The following NCAM2 variants were observed in gnomAD, a reference collection of about 807,000 sequenced individuals.
NCAM2 encodes the protein neural cell adhesion molecule 2, also known as N-CAM-2.
NCAM2 carries 30 observed loss-of-function variants against 98.1 expected under a neutral mutation model. That is an observed-to-expected ratio of 0.31 (90% CI 0.23 to 0.41). The LOEUF is 0.41. Among genes scored for constraint, NCAM2 ranks in the 10% least tolerant of loss-of-function variants. The pLI is 1.00. For missense variants in NCAM2, 867 were observed against 1,005.8 expected (o/e 0.86, Z 1.87); for synonymous variants, 368 against 342.4 (o/e 1.07, Z -0.83).
At chr21:21,199,012 T>C (rs1436734757) in intron 1 of NCAM2, among the ~76,000 whole-genome samples, 2 of 152,226 alleles carry the variant, frequency 1.3e-5, no homozygotes, top group Non-Finnish European at 2.9e-5. Flanking sequence ...GTCCCATTTA[T>C]GATTTTTGTC....
intron 1 of NCAM2, among the ~76,000 whole-genome samples, chr21:21,238,103 G>T (rs577225505): frequency 1.3e-5 from 2 of 151,648 alleles, no homozygotes; most frequent in African/African-American, 2.4e-5. Context: ...CTACAGGAAC[G>T]TGCCACCACG....
Position 21,509,034 on chromosome 21 carries a change from A to G in NCAM2, c.2261A>G (p.Glu754Gly). The change falls in exon 16 of 18, where the codon GAA becomes GGA. Residue 754 changes from glutamate (E) to glycine (G), a missense_variant. By Grantham distance (98) the Glu-to-Gly change is moderately conservative (BLOSUM62 -2). Transcript: ENST00000400546. ...TCCAGTGGCAAAAGTAAAGAACTCGAAGAAGGAAAAGCTGCATACCTGTGA... is the reference window on the plus strand; with the variant it reads ...TCCAGTGGCAAAAGTAAAGAACTCGGAGAAGGAAAAGCTGCATACCTGTGA... ...SGSSGKSKEL[E>G]EGKAAYLKDG... is the part of the protein sequence containing the mutation. The G allele has an allele frequency of 6.2e-7, 1 of 1,613,402 alleles. No individual in the cohort carries two copies. Among genetic ancestry groups the G allele is most frequent in the Non-Finnish European group, 8.5e-7 (1 of 1,179,756 alleles).
intron 1 of NCAM2, among the ~76,000 whole-genome samples, chr21:21,156,138 T>A (rs1172209351): frequency 6.6e-6 from 1 of 152,076 alleles, no homozygotes; most frequent in Admixed American, 6.5e-5. Context: ...GGCACTCATA[T>A]ACAAGAATGT....
intron 1 of NCAM2, among the ~76,000 whole-genome samples, chr21:21,120,578 C>T (rs975572412): frequency 6.6e-6 from 1 of 151,902 alleles, no homozygotes; most frequent in Admixed American, 6.6e-5. Flanking sequence ...TCGGCAGAGC[C>T]CCTGAAATGA....
At chr21:21,324,624 C>G in intron 6 of NCAM2, 124 bp downstream of exon 6, 1 of 705,202 alleles carries the variant, frequency 1.4e-6, no homozygotes, top group Non-Finnish European at 2.4e-6. Context: ...AAAAAAAAAT[C>G]CTGGTGCTAT....
At chr21:21,454,670 G>A (rs1051695696) in intron 12 of NCAM2, among the ~76,000 whole-genome samples, 2 of 151,848 alleles carry the variant, frequency 1.3e-5, no homozygotes, top group Non-Finnish European at 2.9e-5. Flanking sequence ...GCTAAACTTT[G>A]TGATCCTAGG....
At chr21:21,298,278 T>C (rs906357256) in intron 5 of NCAM2, among the ~76,000 whole-genome samples, 1 of 151,762 alleles carries the variant, frequency 6.6e-6, no homozygotes. Context: ...AGTTGAATCA[T>C]GTAATTGAAT....
intron 5 of NCAM2, among the ~76,000 whole-genome samples, chr21:21,304,785 G>A (rs1423120233): frequency 6.6e-6 from 1 of 151,986 alleles, no homozygotes; most frequent in African/African-American, 2.4e-5. Flanking sequence ...GTATATTCAG[G>A]TCTCTTTAAT....
intron 12 of NCAM2, among the ~76,000 whole-genome samples, chr21:21,459,854 T>C (rs1828051600): frequency 6.6e-6 from 1 of 151,796 alleles, no homozygotes; most frequent in African/African-American, 2.4e-5. Context: ...ATGATACATA[T>C]GGATATGTGC....
At chr21:21,458,842 C>T (rs1355071657) in intron 12 of NCAM2, among the ~76,000 whole-genome samples, 2 of 152,004 alleles carry the variant, frequency 1.3e-5, no homozygotes, top group African/African-American at 4.8e-5. Flanking sequence ...CAAAAATAAA[C>T]AAGTGGGATT....
chr21:21,273,901 C>A (rs1488117521), intron 1 of NCAM2, among the ~76,000 whole-genome samples: 3 of 152,158 alleles, frequency 2.0e-5, no homozygotes, highest in African/African-American at 7.2e-5. Flanking sequence ...TGCGTTGGCT[C>A]ATGCCTGTAA....
intron 1 of NCAM2, among the ~76,000 whole-genome samples, chr21:21,073,335 T>C: frequency 6.6e-6 from 1 of 152,202 alleles, no homozygotes; most frequent in Admixed American, 6.5e-5. Context: ...AATTAAGTTT[T>C]ATAGTTTATA....
At chr21:21,352,293 G>T (rs1030278721) in intron 8 of NCAM2, among the ~76,000 whole-genome samples, 7 of 151,932 alleles carry the variant, frequency 4.6e-5, no homozygotes, top group Non-Finnish European at 8.8e-5. Context: ...GGTGGTGGTG[G>T]TGGTGTTTTG....
intron 16 of NCAM2, among the ~76,000 whole-genome samples, chr21:21,510,873 G>A (rs781663538): frequency 1.3e-5 from 2 of 151,832 alleles, no homozygotes; most frequent in Non-Finnish European, 1.5e-5. Flanking sequence ...CATTTTTAAC[G>A]CTCAAATCAA....
chr21:21,269,155 T>C (rs1316174889), intron 1 of NCAM2, among the ~76,000 whole-genome samples: 2 of 152,182 alleles, frequency 1.3e-5, no homozygotes, highest in Non-Finnish European at 2.9e-5. Flanking sequence ...ATGAATACTT[T>C]GGAGTGCATT....
At chr21:21,477,811 CAT>C (rs1017468830) in intron 15 of NCAM2, among the ~76,000 whole-genome samples, 5 of 152,168 alleles carry the variant, frequency 3.3e-5, no homozygotes, top group African/African-American at 9.7e-5. Flanking sequence ...CTCTGCCAAT[CAT>C]GTGGAGACTG....
chr21:21,481,155 G>T (rs1424958047), intron 15 of NCAM2, among the ~76,000 whole-genome samples: 1 of 152,158 alleles, frequency 6.6e-6, no homozygotes, highest in Non-Finnish European at 1.5e-5. Context: ...ATTTGTGTTT[G>T]CCAGTAACTA....
intron 12 of NCAM2, among the ~76,000 whole-genome samples, chr21:21,463,489 A>T (rs1203905668): frequency 6.6e-6 from 1 of 152,148 alleles, no homozygotes; most frequent in Non-Finnish European, 1.5e-5. Context: ...CTATAATTTT[A>T]AAGGTTATCT....
At chr21:21,103,441 A>G (rs1365275099) in intron 1 of NCAM2, among the ~76,000 whole-genome samples, 2 of 150,392 alleles carry the variant, frequency 1.3e-5, no homozygotes, top group Non-Finnish European at 3.0e-5. Flanking sequence ...ATTAGGCAGT[A>G]TAATAGCAAT....
Sources: gnomAD v4.1 joint callset for allele counts (sites outside exome capture counted in the v4.1 genomes callset) on GRCh38, gnomAD v4.1.1 for gene constraint, MANE v1.5 for transcripts, NCBI Gene and HGNC (gene_info 2026-07-23, HGNC 2026-07-21) for gene names.